Variants in POMK observed in about 807,000 individuals in gnomAD.
POMK encodes the protein protein O-mannose kinase.
POMK carries 19 observed loss-of-function variants against 23.0 expected under a neutral mutation model. The ratio of observed to expected loss-of-function variants is 0.83; its 90% CI spans 0.58 to 1.21. The LOEUF (loss-of-function observed/expected upper bound fraction) is 1.21, where lower values mean the gene tolerates loss of function less well. Ranked by LOEUF, POMK falls within the 50% of genes most tolerant of loss-of-function variation. POMK has a pLI of 0.00. For synonymous variants in POMK, 173 were observed against 171.6 expected (o/e 1.01, Z -0.06); for missense variants, 410 against 431.3 (o/e 0.95, Z 0.44).
chr8:43,099,169 T>C (rs1324557429), intron 2 of POMK, among the ~76,000 whole-genome samples: 2 of 152,254 alleles, frequency 1.3e-5, no homozygotes, highest in Admixed American at 1.3e-4. Context: ...CTGGCTGGTC[T>C]GGAACTCCTA....
At chr8:43,109,147 G>T (rs562011926) in intron 4 of POMK, among the ~76,000 whole-genome samples, 3 of 152,200 alleles carry the variant, frequency 2.0e-5, no homozygotes, top group Admixed American at 2.0e-4. Context: ...ATTTTGAAAG[G>T]TTTGTTAAAT....
Position 43,122,966 on chromosome 8 carries a change from T to G in POMK, c.*89T>G. ...GATGGTGGAGTTTTTTGCCTGAGTT[T>G]CGTGTTTTATTGTTTTTTTTATGGC... On this transcript the variant is annotated 3_prime_UTR_variant, in exon 5 of 5. Coordinates refer to ENST00000331373, the MANE Select transcript of POMK (RefSeq NM_032237.5). 1 of 1,243,054 alleles carries G rather than the reference T, an allele frequency of 8.0e-7. No homozygotes were observed. The highest frequency in any genetic ancestry group is 1.1e-6 in the Non-Finnish European group (1 of 900,108). 77.0% of individuals were successfully genotyped at this position (1,243,054 alleles called of 1,614,324 possible).
chr8:43,122,003 T>C, intron 4 of POMK, 104 bp from the exon 5 acceptor site: 1 of 1,132,692 alleles, frequency 8.8e-7, no homozygotes, highest in Non-Finnish European at 1.3e-6. Context: ...TGTTAATTTC[T>C]GTATCTTCTG....
chr8:43,103,851 G>A lies in POMK; in HGVS notation c.282+21G>A, dbSNP rs375189312. ...AGAGAGTGAGTCCGGGTTCATTTGCGATTGCTGTCATCCTGTTATTTCGCT... is the reference window on the plus strand; with the variant it reads ...AGAGAGTGAGTCCGGGTTCATTTGCAATTGCTGTCATCCTGTTATTTCGCT... On this transcript the variant is annotated intron_variant, in intron 4 of 4. Coordinates refer to ENST00000331373, the MANE Select transcript of POMK (RefSeq NM_032237.5). The A allele has an allele frequency of 2.4e-5, 38 of 1,611,808 alleles. No individual in the cohort carries two copies. In the African/African-American group the frequency reaches 4.4e-4, roughly 19 times the overall value.
chr8:43,111,727 C>T (rs1445131318), intron 4 of POMK, among the ~76,000 whole-genome samples: 1 of 152,156 alleles, frequency 6.6e-6, no homozygotes, highest in Non-Finnish European at 1.5e-5. Context: ...ACAAAACTTC[C>T]AGAGGAACGA....
In POMK at chr8:43,122,601, G is replaced by A; in HGVS notation, c.777G>A (p.Leu259=). The A allele has an allele frequency of 6.2e-7, 1 of 1,614,262 alleles. No individual in the cohort carries two copies. The highest frequency in any genetic ancestry group is 8.5e-7 in the Non-Finnish European group (1 of 1,180,048). The change falls in exon 5 of 5, where the codon CTG becomes CTA. Residue 259 remains leucine (L), a synonymous_variant. Coordinates refer to ENST00000331373, the MANE Select transcript of POMK (RefSeq NM_032237.5). Reference sequence around the variant, plus strand: ...GGGATTTCGTGGCTCCAGAGCAACTGTGGCCCTATGGAGAGGACGTGCCTT... The same window carrying A: ...GGGATTTCGTGGCTCCAGAGCAACTATGGCCCTATGGAGAGGACGTGCCTT... ...LHGDFVAPEQ[L]WPYGEDVPFH...
intron 1 of POMK, among the ~76,000 whole-genome samples, chr8:43,096,092 C>T (rs528526324): frequency 1.7e-4 from 26 of 152,268 alleles, no homozygotes; most frequent in Middle Eastern, 6.9e-3. Flanking sequence ...GCCGAGTACC[C>T]GCTGTGTGCC....
At position 43,103,690 on chromosome 8, in the gene POMK, T is replaced by C. The variant is rs34466747; in HGVS notation, c.142T>C (p.Ser48Pro). ...CCACTTCTTCATCGCTCCTCGACAATCCACTGTGGACCCCACACACTGTCC... is the reference window on the plus strand; with the variant it reads ...CCACTTCTTCATCGCTCCTCGACAACCCACTGTGGACCCCACACACTGTCC... ...LDHFFIAPRQ[S>P]TVDPTHCPYG... is the part of the protein sequence containing the mutation. Residue 48 changes from serine to proline, a missense_variant, in exon 4 of 5, where the codon TCC becomes CCC. Transcript: ENST00000331373. 204 of 1,613,906 alleles carry C rather than the reference T, an allele frequency of 1.3e-4. 1 individual carries two copies. In the East Asian group the frequency reaches 4.5e-3, roughly 35 times the overall value.
In POMK at chr8:43,115,494, T is replaced by C. The variant is rs140609839; in HGVS notation, c.283-6613T>C. Among the ~76,000 whole-genome samples, 579 of 152,258 alleles carry C rather than the reference T, an allele frequency of 3.8e-3. 4 individuals carry two copies. Among genetic ancestry groups the C allele is most frequent in the Admixed American group, 5.9e-3 (90 of 15,300 alleles). ...CACCTATCTTGTCAATATCCTGACC[T>C]CTCTCTCATCCACCTTCAGTACATC... On this transcript the variant is annotated intron_variant, in intron 4 of 4. Transcript: ENST00000331373.
intron 1 of POMK, among the ~76,000 whole-genome samples, chr8:43,093,916 C>G (rs1451821858): frequency 6.6e-6 from 1 of 152,170 alleles, no homozygotes; most frequent in Admixed American, 6.5e-5. Context: ...CTTCTGTCTC[C>G]GTAAAAAAGC....
At chr8:43,094,901 T>C (rs1453046330) in intron 1 of POMK, among the ~76,000 whole-genome samples, 1 of 152,240 alleles carries the variant, frequency 6.6e-6, no homozygotes, top group African/African-American at 2.4e-5. Context: ...TATTCCTTAA[T>C]GTGCAGGCTG....
At chr8:43,107,572 A>G (rs1811568994) in intron 4 of POMK, among the ~76,000 whole-genome samples, 1 of 151,746 alleles carries the variant, frequency 6.6e-6, no homozygotes, top group Non-Finnish European at 1.5e-5. Context: ...ACAGGGTTTC[A>G]CCACGTTGGT....
chr8:43,114,949 G>A (rs887830873), intron 4 of POMK, among the ~76,000 whole-genome samples: 15 of 152,152 alleles, frequency 9.9e-5, no homozygotes, highest in South Asian at 2.1e-4. Context: ...TTTTCTCATC[G>A]TTATAATGAA....
At chr8:43,110,821 G>C (rs1185043859) in intron 4 of POMK, among the ~76,000 whole-genome samples, 1 of 152,174 alleles carries the variant, frequency 6.6e-6, no homozygotes. Flanking sequence ...GGCTGAGGCA[G>C]GAGAATTGCT....
At chr8:43,103,469 G>A (rs1811483126) in intron 3 of POMK, 59 bp from the exon 4 acceptor site, 2 of 1,522,790 alleles carry the variant, frequency 1.3e-6, no homozygotes, top group Non-Finnish European at 1.8e-6. Context: ...ACACATTTTT[G>A]GAAATGAAAG....
intron 4 of POMK, among the ~76,000 whole-genome samples, chr8:43,114,151 G>C (rs1205849260): frequency 6.6e-6 from 1 of 152,194 alleles, no homozygotes; most frequent in Non-Finnish European, 1.5e-5. Flanking sequence ...TGTCAGACAG[G>C]GACATTTAAG....
chr8:43,094,300 G>A (rs546737601), intron 1 of POMK, among the ~76,000 whole-genome samples: 47 of 152,102 alleles, frequency 3.1e-4, no homozygotes, highest in Non-Finnish European at 6.3e-4. Context: ...GCCTCCCAAA[G>A]TGCTGGGATT....
intron 4 of POMK, among the ~76,000 whole-genome samples, chr8:43,107,566 G>T (rs1006924473): frequency 6.6e-6 from 1 of 151,934 alleles, no homozygotes; most frequent in Non-Finnish European, 1.5e-5. Flanking sequence ...GTAGAGACAG[G>T]GTTTCACCAC....
intron 4 of POMK, among the ~76,000 whole-genome samples, chr8:43,114,152 G>T (rs1321146300): frequency 6.6e-6 from 1 of 152,214 alleles, no homozygotes; most frequent in East Asian, 1.9e-4. Flanking sequence ...GTCAGACAGG[G>T]ACATTTAAGT....
Sources: allele counts gnomAD v4.1 joint callset (sites outside exome capture counted in the v4.1 genomes callset), GRCh38; gene constraint gnomAD v4.1.1; transcripts MANE v1.5; gene names NCBI Gene and HGNC (gene_info 2026-07-23, HGNC 2026-07-21).